The following WWP2 variants were observed in gnomAD, a reference collection of about 807,000 sequenced individuals.
WWP2 encodes the protein NEDD4-like E3 ubiquitin-protein ligase WWP2.
A neutral mutation model predicts 121.0 loss-of-function variants in WWP2; 57 were observed. The ratio of observed to expected loss-of-function variants is 0.47; its 90% CI spans 0.38 to 0.59. The LOEUF is 0.59. Ranked by LOEUF, WWP2 falls within the 20% of genes least tolerant of loss-of-function variation. The probability of loss-of-function intolerance (pLI) is 0.00; values close to 1 mark genes in which losing one functional copy is unlikely to be tolerated. For missense variants in WWP2, 962 were observed against 1,158.9 expected (o/e 0.83, Z 2.47); for synonymous variants, 449 against 441.3 (o/e 1.02, Z -0.22).
At chr16:69,913,688 G>A (rs942224221) in intron 9 of WWP2, among the ~76,000 whole-genome samples, 2 of 151,920 alleles carry the variant, frequency 1.3e-5, no homozygotes, top group Admixed American at 6.6e-5. Flanking sequence ...AAGAACAGGA[G>A]GCCATGAAAT....
chr16:69,874,260 G>T (rs7189829), intron 7 of WWP2, among the ~76,000 whole-genome samples: 1 of 152,128 alleles, frequency 6.6e-6, no homozygotes, highest in Admixed American at 6.5e-5. Flanking sequence ...CACCTTTGCC[G>T]TGGGGAGCAG....
intron 4 of WWP2, among the ~76,000 whole-genome samples, chr16:69,821,724 CTT>C (rs557543615): frequency 0.29 from 37,415 of 129,560 alleles, 2,680 homozygotes; most frequent in South Asian, 0.4. Context: ...TTCTTTCTTA[CTT>C]TTTTTTTTTT....
chr16:69,771,927 T>C (rs2055424680), intron 1 of WWP2, among the ~76,000 whole-genome samples: 2 of 151,558 alleles, frequency 1.3e-5, no homozygotes, highest in South Asian at 4.2e-4. Context: ...GTTTCACCTG[T>C]TGAGAAACTA....
intron 1 of WWP2, among the ~76,000 whole-genome samples, chr16:69,782,380 A>G (rs2055682270): frequency 6.6e-6 from 1 of 152,126 alleles, no homozygotes; most frequent in African/African-American, 2.4e-5. Context: ...GAGGTTGAGG[A>G]CGGGGCAGGA....
At chr16:69,888,709 C>T (rs2057972723) in intron 8 of WWP2, among the ~76,000 whole-genome samples, 1 of 144,674 alleles carries the variant, frequency 6.9e-6, no homozygotes, top group Non-Finnish European at 1.5e-5. Context: ...TCTTGCCATC[C>T]TTTTTTTTTT....
chr16:69,888,317 A>C, intron 8 of WWP2, 68 bp downstream of exon 8: 2 of 1,509,962 alleles, frequency 1.3e-6, no homozygotes, highest in South Asian at 2.5e-5. Context: ...ACGGGGGTGG[A>C]AACAACGTGG....
rs2058789004 is a variant in WWP2 at position 69,935,808 on chromosome 16, G to A, written c.1843-45G>A. The A allele has an allele frequency of 6.3e-7, 1 of 1,580,206 alleles. No homozygotes were observed. The highest frequency in any genetic ancestry group is 8.6e-7 in the Non-Finnish European group (1 of 1,165,080). On this transcript the variant is annotated intron_variant, in intron 17 of 23. Transcript: ENST00000359154. This position sits in a 1 kb window ranked among gnomAD's most constrained non-coding sequence, Gnocchi z 5.2. ...GCATCTGAGAGCTGGTCTTGGCAGT[G>A]CCCAGGGAAGGCCAAACCTCTGTGC...
chr16:69,930,335 A>C (rs2151989576), intron 13 of WWP2, 77 bp downstream of exon 13: 1 of 1,579,154 alleles, frequency 6.3e-7, no homozygotes, highest in East Asian at 2.3e-5. Flanking sequence ...TGGGAGGCCC[A>C]CTTTGGGTGG....
chr16:69,936,085 C>T, intron 18 of WWP2, 99 bp downstream of exon 18: 2 of 1,540,694 alleles, frequency 1.3e-6, no homozygotes, highest in South Asian at 1.3e-5. Context: ...CCAGTGTGGC[C>T]CCTGAGCTCT....
intron 1 of WWP2, among the ~76,000 whole-genome samples, chr16:69,780,255 CTT>C (rs74895198): frequency 3.0e-5 from 4 of 135,044 alleles, no homozygotes; most frequent in Admixed American, 7.4e-5. Context: ...TGCCACTTGC[CTT>C]TTTTTTTTTT....
Position 69,937,022 on chromosome 16 carries a change from TG to T in WWP2, c.2118-94del. 6.7e-7 allele frequency: 1 copy of T among 1,491,930 alleles called. No homozygotes were observed. Among genetic ancestry groups the T allele is most frequent in the Non-Finnish European group, 9.0e-7 (1 of 1,114,060 alleles). The allele number at this position is 1,491,930 out of a possible 1,614,324, so 92.4% of individuals were successfully genotyped here. A position where few individuals can be genotyped will look rare whatever the true frequency, so the allele number is the denominator to read the frequency against. On this transcript the variant is annotated intron_variant, in intron 19 of 23. Coordinates refer to ENST00000359154, the MANE Select transcript of WWP2 (RefSeq NM_001270454.2). This position sits in a 1 kb window ranked among gnomAD's most constrained non-coding sequence, Gnocchi z 6.6. ...GTGTGCGAAGTGGGCTCTGCTGATC[TG>T]GTGGTCCTGCGCGGTAACGGCCACG...
chr16:69,931,424 G>T, intron 14 of WWP2, 85 bp from the exon 15 acceptor site: 2 of 1,574,602 alleles, frequency 1.3e-6, no homozygotes, highest in South Asian at 1.1e-5. Flanking sequence ...GGCCCAGCAG[G>T]CTGGGGAATG....
intron 4 of WWP2, among the ~76,000 whole-genome samples, chr16:69,815,286 A>C (rs1216307024): frequency 6.6e-6 from 1 of 152,102 alleles, no homozygotes; most frequent in Admixed American, 6.6e-5. Context: ...TACGGGCGTG[A>C]GCCACCTCAC....
intron 1 of WWP2, among the ~76,000 whole-genome samples, chr16:69,774,257 C>T (rs2055477288): frequency 6.6e-6 from 1 of 152,030 alleles, no homozygotes; most frequent in Admixed American, 6.6e-5. Context: ...GCTGTCACCT[C>T]AACAGCATTT....
At chr16:69,890,920 C>G (rs1022216721) in intron 8 of WWP2, 1 of 152,138 alleles carries the variant, frequency 6.6e-6, no homozygotes, top group Non-Finnish European at 1.5e-5. Context: ...GCATTTAGAA[C>G]GTGATGAGGG....
chr16:69,853,643 A>G (rs571359389), intron 6 of WWP2, among the ~76,000 whole-genome samples: 2 of 152,306 alleles, frequency 1.3e-5, no homozygotes, highest in South Asian at 4.1e-4. Context: ...GGGACTGACG[A>G]AGAGGACTGT....
At chr16:69,785,627 C>CTT (rs111997152) in intron 1 of WWP2, among the ~76,000 whole-genome samples, 5 of 141,444 alleles carry the variant, frequency 3.5e-5, no homozygotes, top group Non-Finnish European at 4.7e-5. Context: ...TGCTGCACAT[C>CTT]TTTTTTTTTT....
intron 2 of WWP2, among the ~76,000 whole-genome samples, chr16:69,789,152 G>A (rs1449390780): frequency 6.6e-6 from 1 of 152,056 alleles, no homozygotes. Context: ...CTTCCTCCCA[G>A]GTTAAAACAG....
intron 6 of WWP2, among the ~76,000 whole-genome samples, chr16:69,851,651 C>T (rs1179267382): frequency 6.6e-6 from 1 of 152,094 alleles, no homozygotes; most frequent in Non-Finnish European, 1.5e-5. Flanking sequence ...ATAAAGCTGC[C>T]ATAAACATTA....
Sources: gnomAD v4.1 joint callset for allele counts (sites outside exome capture counted in the v4.1 genomes callset) on GRCh38, gnomAD v4.1.1 for gene constraint, Gnocchi (gnomAD v3.1) non-coding constraint, MANE v1.5 for transcripts, NCBI Gene and HGNC (gene_info 2026-07-23, HGNC 2026-07-21) for gene names.